The following EDAR variants were observed in gnomAD, a reference collection of about 807,000 sequenced individuals.
EDAR encodes the protein ectodysplasin A receptor, also known as tumor necrosis factor receptor superfamily member EDAR.
A neutral mutation model predicts 51.3 loss-of-function variants in EDAR; 38 were observed. That is an observed-to-expected ratio of 0.74 (90% confidence interval 0.57 to 0.97). The LOEUF is 0.97. Ranked by LOEUF, EDAR falls within the 50% of genes least tolerant of loss-of-function variation. The pLI is 0.00. For synonymous variants in EDAR, 227 were observed against 242.1 expected, an observed-to-expected ratio of 0.94 and a Z score of 0.58; for missense variants, 528 against 595.0, an observed-to-expected ratio of 0.89 and a Z score of 1.17.
intron 1 of EDAR, among the ~76,000 whole-genome samples, chr2:108,957,494 G>A (rs188278068): frequency 1.3e-5 from 2 of 152,276 alleles, no homozygotes; most frequent in African/African-American, 4.8e-5. Context: ...AGGCCCCCCA[G>A]GGGGCTGGAT....
At chr2:108,948,894 G>T (rs1041991543) in intron 1 of EDAR, among the ~76,000 whole-genome samples, 1 of 152,190 alleles carries the variant, frequency 6.6e-6, no homozygotes, top group Non-Finnish European at 1.5e-5. Flanking sequence ...GAGGCAGGAT[G>T]ATCACTTGAG....
chr2:108,918,092 T>C (rs1460304415), intron 5 of EDAR, among the ~76,000 whole-genome samples: 1 of 152,102 alleles, frequency 6.6e-6, no homozygotes, highest in Non-Finnish European at 1.5e-5. Context: ...CCCAGAATAT[T>C]AAAAGGAAAA....
intron 1 of EDAR, among the ~76,000 whole-genome samples, chr2:108,988,577 A>G (rs546874958): frequency 2.1e-4 from 32 of 152,238 alleles, no homozygotes; most frequent in African/African-American, 7.7e-4. Flanking sequence ...GCCCAGCTAG[A>G]GTCCCTGCCG....
In EDAR at chr2:108,915,994, C is replaced by G. The variant is rs528315307; in HGVS notation, c.443-3230G>C. 2.6e-5 allele frequency among the ~76,000 whole-genome samples: 4 copies of G among 152,278 alleles called. No homozygotes were observed. The East Asian group carries it at 7.7e-4, about 29-fold the overall frequency. ...CACAAGCCCATGTCAAACAACAGAGCGTTCCCCCTCACAGACCTTACTGAA... is the reference window on the plus strand; with the variant it reads ...CACAAGCCCATGTCAAACAACAGAGGGTTCCCCCTCACAGACCTTACTGAA... On this transcript the variant is annotated intron_variant, in intron 5 of 11. Transcript: ENST00000258443.
At chr2:108,982,507 T>G (rs1039595467) in intron 1 of EDAR, among the ~76,000 whole-genome samples, 6 of 152,240 alleles carry the variant, frequency 3.9e-5, no homozygotes, top group Admixed American at 1.3e-4. Context: ...AACATTCTGT[T>G]GTACTTCATT....
At chr2:108,897,732 T>C (rs1394363251) in intron 11 of EDAR, among the ~76,000 whole-genome samples, 1 of 152,204 alleles carries the variant, frequency 6.6e-6, no homozygotes, top group East Asian at 1.9e-4. Context: ...GTTCTTGGGC[T>C]TCACTGTACA....
chr2:108,907,750 G>T, intron 10 of EDAR, 110 bp downstream of exon 10: 1 of 1,316,176 alleles, frequency 7.6e-7, no homozygotes, highest in South Asian at 1.2e-5. Context: ...TGGACTTCTG[G>T]GAGAAACACC....
chr2:108,929,221 A>AGC lies in EDAR; in HGVS notation c.331_332dup (p.Glu112LeufsTer78). On this transcript the variant is annotated frameshift_variant, in exon 4 of 12. Coordinates refer to ENST00000258443, the MANE Select transcript of EDAR (RefSeq NM_022336.4). LOFTEE classifies it high-confidence loss of function. ...ACCCAGGGAGGCAAGGGCCACACTC[A>AGC]GCGTCATTCTCCATGTCCCCTGGTG... is the stretch of plus-strand genomic sequence containing the variant. 1 of 1,614,066 alleles carries AGC rather than the reference A, an allele frequency of 6.2e-7. No homozygotes were observed. The highest frequency in any genetic ancestry group is 8.5e-7 in the Non-Finnish European group (1 of 1,180,024).
Position 108,906,339 on chromosome 2 carries a change from A to G in EDAR, c.993T>C (p.Asp331=), listed in dbSNP as rs1287491965. Residue 331 remains aspartate (D), a synonymous_variant, in exon 11 of 12, where the codon GAT becomes GAC. Coordinates refer to ENST00000258443, the MANE Select transcript of EDAR (RefSeq NM_022336.4). ...CGACTCCACACACGTTGGCATACAC[A>G]TCGAGGATCTTTTTCCTCCGGCTTT... The part of the protein sequence containing the change: ...GIQSRRKKIL[D]VYANVCGVVE... The G allele has an allele frequency of 6.2e-7, 1 of 1,613,966 alleles. No homozygotes were observed. The highest frequency in any genetic ancestry group is 8.5e-7 in the Non-Finnish European group (1 of 1,180,012).
intron 1 of EDAR, among the ~76,000 whole-genome samples, chr2:108,950,062 G>A (rs1315849069): frequency 6.6e-6 from 1 of 152,206 alleles, no homozygotes; most frequent in African/African-American, 2.4e-5. Flanking sequence ...GTGCCATGGG[G>A]AGGGGCACTT....
chr2:108,907,661 A>G (rs1696836987), intron 10 of EDAR, among the ~76,000 whole-genome samples, 199 bp downstream of exon 10: 1 of 145,858 alleles, frequency 6.9e-6, no homozygotes, highest in Non-Finnish European at 1.5e-5. Flanking sequence ...AAAAAAAAAA[A>G]CAAAACTCAA....
At chr2:108,952,982 T>G (rs1301732716) in intron 1 of EDAR, among the ~76,000 whole-genome samples, 2 of 152,228 alleles carry the variant, frequency 1.3e-5, no homozygotes, top group Non-Finnish European at 2.9e-5. Context: ...TTCTGAGGTC[T>G]TTTTAAAAAA....
chr2:108,947,336 A>G (rs549859858), intron 1 of EDAR, among the ~76,000 whole-genome samples: 1 of 152,120 alleles, frequency 6.6e-6, no homozygotes, highest in Admixed American at 6.5e-5. Flanking sequence ...GGATTTTCCA[A>G]GTGCATGGTG....
At chr2:108,909,695 C>A (rs1266432019) in intron 9 of EDAR, among the ~76,000 whole-genome samples, 1 of 152,184 alleles carries the variant, frequency 6.6e-6, no homozygotes, top group African/African-American at 2.4e-5. Flanking sequence ...GGACCAAGTC[C>A]AAATGACCAT....
intron 5 of EDAR, among the ~76,000 whole-genome samples, chr2:108,914,899 C>T (rs1000207366): frequency 3.9e-5 from 6 of 152,126 alleles, no homozygotes; most frequent in Admixed American, 6.5e-5. Context: ...GAGAAGCAAG[C>T]TTCCTAGTTG....
At position 108,925,602 on chromosome 2, in the gene EDAR, A is replaced by C. The variant is rs368437234; in HGVS notation, c.357-2149T>G. On this transcript the variant is annotated intron_variant, in intron 4 of 11. Coordinates refer to ENST00000258443, the MANE Select transcript of EDAR (RefSeq NM_022336.4). ...AACCTATCAAGTCACTCAGTTAAGG[A>C]ATATTGAAAGGTGATACACTTTTTT... Among the ~76,000 whole-genome samples the C allele has an allele frequency of 7.9e-5, 12 of 152,000 alleles. No homozygotes were observed. In the East Asian group the frequency reaches 1.7e-3, roughly 22 times the overall value.
At chr2:108,917,515 T>C (rs966406203) in intron 5 of EDAR, among the ~76,000 whole-genome samples, 2 of 152,238 alleles carry the variant, frequency 1.3e-5, no homozygotes. Flanking sequence ...AATTTCACTC[T>C]GTACCCCATA....
chr2:108,919,517 C>T (rs890753709), intron 5 of EDAR, among the ~76,000 whole-genome samples: 2 of 152,118 alleles, frequency 1.3e-5, no homozygotes, highest in Non-Finnish European at 2.9e-5. Context: ...CACCACCACG[C>T]CCAGCTAATT....
chr2:108,930,024 T>C, intron 3 of EDAR, 96 bp downstream of exon 3: 4 of 1,438,446 alleles, frequency 2.8e-6, no homozygotes, highest in Non-Finnish European at 2.8e-6. Flanking sequence ...TACCCTGGCA[T>C]CCCCTCACAC....
Sources: gnomAD v4.1 joint callset for allele counts (sites outside exome capture counted in the v4.1 genomes callset) on GRCh38, gnomAD v4.1.1 for gene constraint, MANE v1.5 for transcripts, NCBI Gene and HGNC (gene_info 2026-07-23, HGNC 2026-07-21) for gene names.